Variants in DNAH6 observed in about 807,000 individuals in gnomAD.
The protein encoded by DNAH6 is dynein axonemal heavy chain 6, also known as axonemal beta dynein heavy chain 6.
Under a neutral mutation model 491.4 loss-of-function variants are expected in DNAH6, and 340 were observed. The observed-to-expected ratio is 0.69, with a 90% confidence interval of 0.63 to 0.76. The LOEUF is 0.76. Among genes scored for constraint, DNAH6 ranks in the 30% least tolerant of loss-of-function variants. The pLI is 0.00. For synonymous variants in DNAH6, 1,603 were observed against 1,686.1 expected (o/e 0.95, Z 1.21); for missense variants, 4,443 against 4,972.2 (o/e 0.89, Z 3.20).
chr2:84,485,712 A>G, the DNAH6 span, among the ~76,000 whole-genome samples: 1 of 152,026 alleles, frequency 6.6e-6, no homozygotes, highest in Non-Finnish European at 1.5e-5. Context: ...TGCCCAGTTC[A>G]GTGTTCAACC....
intron 11 of DNAH6, among the ~76,000 whole-genome samples, chr2:84,572,006 G>GT (rs1681944295): frequency 1.3e-5 from 2 of 152,194 alleles, no homozygotes; most frequent in South Asian, 4.2e-4. Context: ...AACAAAAAAT[G>GT]TTTTTTCCTT....
At chr2:84,736,081 C>T (rs565050156) in intron 62 of DNAH6, among the ~76,000 whole-genome samples, 1 of 152,236 alleles carries the variant, frequency 6.6e-6, no homozygotes, top group African/African-American at 2.4e-5. Context: ...ATATGGTTAG[C>T]CAGTTTTCCC....
At chr2:84,496,766 G>A in the DNAH6 span, among the ~76,000 whole-genome samples, 7 of 152,066 alleles carry the variant, frequency 4.6e-5, no homozygotes, top group African/African-American at 1.7e-4. Context: ...CAGTGAATTT[G>A]TACACATTTA....
chr2:84,465,407 A>G, the DNAH6 span, among the ~76,000 whole-genome samples: 48 of 152,208 alleles, frequency 3.2e-4, no homozygotes, highest in African/African-American at 1.1e-3. Flanking sequence ...AGGCAGGAGA[A>G]TGGGGTGAAC....
In DNAH6 at chr2:84,718,351, T is replaced by G. The variant is rs766222456; in HGVS notation, c.9759T>G (p.Asn3253Lys). Residue 3253 changes from asparagine to lysine, a missense_variant, in exon 59 of 77, where the codon AAT becomes AAG. Around this residue, in one of 3 missense-constraint regions of DNAH6, gnomAD observed 1,463 missense variants for 1,656.6 expected, o/e 0.88. Coordinates refer to ENST00000389394, the MANE Select transcript of DNAH6 (RefSeq NM_001370.2). The part of the protein sequence containing the change: ...LFTSEGNILD[N>K]EELIDTLQDS... ...CCTCTGAAGGAAATATTCTGGACAA[T>G]GAAGAACTTATTGACACACTCCAGG... 1.9e-6 allele frequency: 3 copies of G among 1,543,176 alleles called. No homozygotes were observed. Among genetic ancestry groups the G allele is most frequent in the Non-Finnish European group, 1.7e-6 (2 of 1,144,784 alleles).
chr2:84,461,683 A>C, the DNAH6 span, among the ~76,000 whole-genome samples: 2 of 152,226 alleles, frequency 1.3e-5, no homozygotes, highest in Non-Finnish European at 2.9e-5. Context: ...AATGGTAGTT[A>C]TTATCATTAA....
chr2:84,792,941 T>A (rs1279405505), intron 68 of DNAH6, among the ~76,000 whole-genome samples: 2 of 152,136 alleles, frequency 1.3e-5, no homozygotes, highest in African/African-American at 2.4e-5. Flanking sequence ...ACCTTCAGAT[T>A]TTATAGTGTA....
At chr2:84,693,441 G>A (rs562038959) in intron 45 of DNAH6, among the ~76,000 whole-genome samples, 60 of 152,116 alleles carry the variant, frequency 3.9e-4, no homozygotes, top group African/African-American at 1.3e-3. Context: ...CATCATTGTA[G>A]GGCTTTTCAA....
At chr2:84,644,414 T>C (rs1689706959) in intron 33 of DNAH6, among the ~76,000 whole-genome samples, 1 of 152,154 alleles carries the variant, frequency 6.6e-6, no homozygotes, top group African/African-American at 2.4e-5. Context: ...CTTTTTCAAA[T>C]GTGATTTTTT....
chr2:84,719,236 T>C (rs150216829), intron 59 of DNAH6, among the ~76,000 whole-genome samples: 135 of 152,322 alleles, frequency 8.9e-4, no homozygotes, highest in African/African-American at 3.1e-3. Context: ...TCTGTTTTCT[T>C]CCTCTCTGCT....
At chr2:84,476,238 A>G in the DNAH6 span, among the ~76,000 whole-genome samples, 1 of 152,340 alleles carries the variant, frequency 6.6e-6, no homozygotes, top group South Asian at 2.1e-4. Flanking sequence ...AGGTGGTCCA[A>G]TTAGCTATAT....
At chr2:84,784,568 AAC>A (rs1247833502) in intron 65 of DNAH6, among the ~76,000 whole-genome samples, 152 bp from the exon 66 acceptor site, 1 of 152,234 alleles carries the variant, frequency 6.6e-6, no homozygotes, top group African/African-American at 2.4e-5. Context: ...CCCATTTTGA[AAC>A]AGTTTACACT....
intron 31 of DNAH6, among the ~76,000 whole-genome samples, chr2:84,639,171 A>G (rs769098310): frequency 6.6e-6 from 1 of 152,126 alleles, no homozygotes; most frequent in Non-Finnish European, 1.5e-5. Flanking sequence ...GGGGGCAGTT[A>G]GGACAGGTAG....
chr2:84,670,676 C>T (rs759102410), intron 39 of DNAH6, among the ~76,000 whole-genome samples: 1 of 152,208 alleles, frequency 6.6e-6, no homozygotes, highest in Non-Finnish European at 1.5e-5. Flanking sequence ...TCTGTCATCA[C>T]CTTCAACTCA....
At chr2:84,639,154 T>G (rs1248491546) in intron 31 of DNAH6, among the ~76,000 whole-genome samples, 1 of 151,944 alleles carries the variant, frequency 6.6e-6, no homozygotes, top group Non-Finnish European at 1.5e-5. Context: ...GTGGGCATGG[T>G]GGGGTGGGGG....
At chr2:84,599,336 C>G (rs1158792329) in intron 18 of DNAH6, among the ~76,000 whole-genome samples, 1 of 131,754 alleles carries the variant, frequency 7.6e-6, no homozygotes, top group Non-Finnish European at 1.6e-5. Flanking sequence ...TTTCAATAAA[C>G]TCTAATTTAT....
At chr2:84,600,751 A>G (rs888850496) in intron 18 of DNAH6, among the ~76,000 whole-genome samples, 9 of 151,894 alleles carry the variant, frequency 5.9e-5, no homozygotes, top group African/African-American at 2.2e-4. Context: ...GCTTGACCAC[A>G]TGGCTGAAGT....
intron 33 of DNAH6, among the ~76,000 whole-genome samples, chr2:84,647,046 C>T (rs1689969821): frequency 6.6e-6 from 1 of 152,050 alleles, no homozygotes; most frequent in Non-Finnish European, 1.5e-5. Context: ...AGAGTTTCAC[C>T]ATGTTGGCCA....
rs567660645 is a variant in DNAH6 at position 84,604,367 on chromosome 2, C to T, written c.2897C>T (p.Pro966Leu). 24 of 1,552,076 alleles carry T rather than the reference C, an allele frequency of 1.5e-5. No individual in the cohort carries two copies. The Middle Eastern group carries it at 1.0e-3, about 65-fold the overall frequency. Residue 966 changes from proline to leucine, a missense_variant, in exon 19 of 77, where the codon CCG becomes CTG. Transcript: ENST00000389394. Reference protein sequence around the residue: ...KLPVIIDLRNPTLKARHWAAI... With the variant: ...KLPVIIDLRNLTLKARHWAAI... Reference sequence around the variant, plus strand: ...CCAGTTATCATTGACTTGAGGAACCCGACTTTGAAGGCAAGACATTGGGCA... The same window carrying T: ...CCAGTTATCATTGACTTGAGGAACCTGACTTTGAAGGCAAGACATTGGGCA...
Sources: gnomAD v4.1 joint callset for allele counts (sites outside exome capture counted in the v4.1 genomes callset) on GRCh38, gnomAD v4.1.1 for gene constraint, gnomAD v4.1.1 regional missense constraint, MANE v1.5 for transcripts, NCBI Gene and HGNC (gene_info 2026-07-23, HGNC 2026-07-21) for gene names.